The following GLG1 variants were observed in gnomAD, a reference collection of about 807,000 sequenced individuals.
The protein encoded by GLG1 is Golgi apparatus protein 1.
In GLG1, 38 loss-of-function variants were observed where a neutral mutation model predicts 160.5. The ratio of observed to expected loss-of-function variants is 0.24; its 90% CI spans 0.18 to 0.31. GLG1 has a LOEUF of 0.31. GLG1 is among the 10% of genes least tolerant of loss of function. The pLI, the probability that GLG1 is intolerant of heterozygous loss-of-function variation, is 1.00. For missense variants in GLG1, 1,373 were observed against 1,505.2 expected (o/e 0.91, Z 1.45); for synonymous variants, 644 against 543.4 (o/e 1.19, Z -2.57).
At position 74,474,629 on chromosome 16, in the gene GLG1, G is replaced by C. The variant is rs200172408; in HGVS notation, c.1969C>G (p.Leu657Val). The change falls in exon 13 of 26, where the codon CTG becomes GTG. Residue 657 changes from leucine (L) to valine (V), a missense_variant. Leu to Val is a conservative substitution (Grantham distance 32). Around this residue, in one of 4 missense-constraint regions of GLG1, gnomAD observed 386 missense variants for 388.5 expected, o/e 0.99. Transcript: ENST00000422840. ...CSEKTETGQELECLQDHLDDL... is the reference protein window; with the variant it reads ...CSEKTETGQEVECLQDHLDDL... ...TCCAGATGGTCCTGAAGGCACTCCAGCTCCTGCAAATATAAAGGCAAGCCA... is the reference window on the plus strand; with the variant it reads ...TCCAGATGGTCCTGAAGGCACTCCACCTCCTGCAAATATAAAGGCAAGCCA... 6.6e-7 allele frequency: 1 copy of C among 1,512,792 alleles called. No homozygotes were observed. Among genetic ancestry groups the C allele is most frequent in the Non-Finnish European group, 9.2e-7 (1 of 1,087,404 alleles). 93.7% of individuals were successfully genotyped at this position (1,512,792 alleles called of 1,614,324 possible). A position where few individuals can be genotyped will look rare whatever the true frequency, so the allele number is the denominator to read the frequency against.
intron 1 of GLG1, among the ~76,000 whole-genome samples, chr16:74,604,977 T>C (rs1597392390): frequency 6.6e-6 from 1 of 151,896 alleles, no homozygotes; most frequent in African/African-American, 2.4e-5. Context: ...AGCCGGGAGG[T>C]GGAGGTTGCA....
chr16:74,452,959 AC>A lies in GLG1; in HGVS notation c.*207del. 7.9e-7 allele frequency: 1 copy of A among 1,267,564 alleles called. No individual in the cohort carries two copies. Among genetic ancestry groups the A allele is most frequent in the Non-Finnish European group, 9.9e-7 (1 of 1,007,060 alleles). The allele number at this position is 1,267,564 out of a possible 1,614,324, so 78.5% of individuals were successfully genotyped here. ...CCAAACAAAGGCAGTAACCCCAGCG[AC>A]CAGCTGCTGCTGCTGCACGGTGAGG... On this transcript the variant is annotated 3_prime_UTR_variant, in exon 26 of 26. Transcript: ENST00000422840.
At chr16:74,500,758 G>C in intron 4 of GLG1, among the ~76,000 whole-genome samples, 1 of 151,836 alleles carries the variant, frequency 6.6e-6, no homozygotes. Context: ...AAGTTCCTTT[G>C]TTGGCAGCCA....
At chr16:74,563,261 T>G (rs1359700102) in intron 1 of GLG1, 2 of 152,114 alleles carry the variant, frequency 1.3e-5, no homozygotes, top group South Asian at 2.1e-4. Flanking sequence ...CAGTCCAATG[T>G]GGGTTAGGAA....
intron 1 of GLG1, among the ~76,000 whole-genome samples, chr16:74,558,439 G>C (rs1283995135): frequency 6.6e-6 from 1 of 152,200 alleles, no homozygotes; most frequent in Non-Finnish European, 1.5e-5. Flanking sequence ...TGTTTGAACT[G>C]TATTACTGAA....
intron 1 of GLG1, among the ~76,000 whole-genome samples, chr16:74,605,673 A>G (rs1958549635): frequency 6.6e-6 from 1 of 152,158 alleles, no homozygotes; most frequent in South Asian, 2.1e-4. Flanking sequence ...GGAAATGCCA[A>G]GAGAAGCAAA....
intron 2 of GLG1, among the ~76,000 whole-genome samples, chr16:74,527,683 A>G (rs1280605161): frequency 6.6e-6 from 1 of 152,138 alleles, no homozygotes; most frequent in East Asian, 1.9e-4. Context: ...CACAGTGTGC[A>G]AATGTGGGAG....
At chr16:74,542,232 C>T (rs1309881761) in intron 1 of GLG1, among the ~76,000 whole-genome samples, 1 of 139,784 alleles carries the variant, frequency 7.2e-6, no homozygotes, top group African/African-American at 2.7e-5. Flanking sequence ...CTGAAGGGCA[C>T]CGTATGAATA....
chr16:74,589,411 G>A (rs952411680), intron 1 of GLG1, among the ~76,000 whole-genome samples: 2 of 152,196 alleles, frequency 1.3e-5, no homozygotes, highest in Admixed American at 1.3e-4. Context: ...CAGGGGAAGA[G>A]AAGCAGCGGG....
At chr16:74,600,429 C>T (rs1322095395) in intron 1 of GLG1, among the ~76,000 whole-genome samples, 2 of 151,922 alleles carry the variant, frequency 1.3e-5, no homozygotes, top group Admixed American at 1.3e-4. Flanking sequence ...CTAAAGTAGA[C>T]AGTCCTTGCT....
At chr16:74,540,246 A>G in intron 1 of GLG1, among the ~76,000 whole-genome samples, 1 of 142,472 alleles carries the variant, frequency 7.0e-6, no homozygotes, top group African/African-American at 2.6e-5. Flanking sequence ...TTAATCCATG[A>G]ATATAAAAAT....
chr16:74,597,060 A>C (rs957347838), intron 1 of GLG1, among the ~76,000 whole-genome samples: 53 of 152,136 alleles, frequency 3.5e-4, no homozygotes, highest in Non-Finnish European at 5.9e-4. Flanking sequence ...CAGAGGCTGC[A>C]GTGAATCATG....
chr16:74,452,878 C>T lies in GLG1; in HGVS notation c.*289G>A, dbSNP rs1184140483. The T allele has an allele frequency of 1.2e-5, 13 of 1,108,266 alleles. No individual in the cohort carries two copies. In the South Asian group the frequency reaches 1.3e-4, roughly 11 times the overall value. The allele number at this position is 1,108,266 out of a possible 1,614,324, so 68.7% of individuals were successfully genotyped here. A position where few individuals can be genotyped will look rare whatever the true frequency, so the allele number is the denominator to read the frequency against. ...TCAGGTGAGTTGGTTCTGGAAGTAC[C>T]GGAAGTTCTGTTGGTATGAGAGAGA... On this transcript the variant is annotated 3_prime_UTR_variant, in exon 26 of 26. Coordinates refer to ENST00000422840, the MANE Select transcript of GLG1 (RefSeq NM_001145667.2).
chr16:74,461,574 G>C (rs1044018808), intron 22 of GLG1: 1 of 148,110 alleles, frequency 6.8e-6, no homozygotes, highest in African/African-American at 2.5e-5. Flanking sequence ...GGGTTCAAGT[G>C]ATTCTCCTGC....
intron 9 of GLG1, among the ~76,000 whole-genome samples, chr16:74,484,598 T>C (rs2015724902): frequency 1.3e-5 from 2 of 151,898 alleles, no homozygotes; most frequent in South Asian, 4.2e-4. Flanking sequence ...CTGTCTCTAC[T>C]AAAAACACAA....
At chr16:74,456,849 G>T in intron 24 of GLG1, 94 bp from the exon 25 acceptor site, 1 of 792,266 alleles carries the variant, frequency 1.3e-6, no homozygotes, top group South Asian at 1.4e-5. Flanking sequence ...AACCACCAGA[G>T]AATTCAGATC....
chr16:74,509,679 T>C (rs6564131), intron 2 of GLG1, among the ~76,000 whole-genome samples: 150,363 of 151,804 alleles, frequency 0.99, 74,498 homozygotes, highest in East Asian at 1. Flanking sequence ...GAAACCCCGT[T>C]TCTACTAAAA....
intron 22 of GLG1, among the ~76,000 whole-genome samples, chr16:74,461,315 A>G (rs1396647479): frequency 1.3e-5 from 2 of 149,102 alleles, no homozygotes; most frequent in Non-Finnish European, 3.0e-5. Context: ...CTACAGGTAT[A>G]CGCCACCGGG....
At chr16:74,574,720 TAAAAACACAA>T (rs1209517716) in intron 1 of GLG1, among the ~76,000 whole-genome samples, 2 of 150,320 alleles carry the variant, frequency 1.3e-5, no homozygotes, top group Non-Finnish European at 1.5e-5. Context: ...CCATTTCTAC[TAAAAACACAA>T]AAAATTAGCT....
Sources: allele counts gnomAD v4.1 joint callset (sites outside exome capture counted in the v4.1 genomes callset), GRCh38; gene constraint gnomAD v4.1.1; regional missense constraint gnomAD v4.1.1; transcripts MANE v1.5; gene names NCBI Gene and HGNC (gene_info 2026-07-23, HGNC 2026-07-21).